Variants in TRPM3 observed in about 807,000 individuals in gnomAD.
The protein encoded by TRPM3 is long transient receptor potential channel 3.
In TRPM3, 77 loss-of-function variants were observed where a neutral mutation model predicts 181.2. The observed-to-expected ratio is 0.42, with a 90% confidence interval of 0.35 to 0.51. The LOEUF is 0.51. Ranked by LOEUF, TRPM3 falls within the 20% of genes least tolerant of loss-of-function variation. TRPM3 has a pLI of 0.01. For missense variants in TRPM3, 1,759 were observed against 2,196.7 expected (o/e 0.80, Z 3.98); for synonymous variants, 745 against 796.4 (o/e 0.94, Z 1.09).
intron 25 of TRPM3, among the ~76,000 whole-genome samples, chr9:70,541,766 C>T (rs2131661753): frequency 6.6e-6 from 1 of 152,300 alleles, no homozygotes; most frequent in Middle Eastern, 3.4e-3. Flanking sequence ...CTGCCTCAGC[C>T]TCCCAAAGTG....
chr9:71,121,919 A>T (rs572155848), upstream of TRPM3, among the ~76,000 whole-genome samples: 2 of 152,316 alleles, frequency 1.3e-5, no homozygotes, highest in East Asian at 3.9e-4. Context: ...CATCAAATAC[A>T]TCTATAGTAA....
intron 1 of TRPM3, among the ~76,000 whole-genome samples, chr9:71,127,300 C>CACACACACACACACACAT (rs1554831556): frequency 1.3e-5 from 2 of 151,834 alleles, no homozygotes; most frequent in Non-Finnish European, 2.9e-5. Context: ...AAAACACACA[C>CACACACACACACACACAT]ACACACACAC....
intron 1 of TRPM3, among the ~76,000 whole-genome samples, chr9:71,070,114 T>C (rs569913808): frequency 1.3e-5 from 2 of 152,306 alleles, no homozygotes; most frequent in African/African-American, 2.4e-5. Context: ...CCAATCAGCA[T>C]ATAAATCAAA....
In TRPM3 at chr9:70,784,043, C is replaced by T. The variant is rs1282383904; in HGVS notation, c.1148+62G>A. 4 of 1,559,416 alleles carry T rather than the reference C, an allele frequency of 2.6e-6. No individual in the cohort carries two copies. In the African/African-American group the frequency reaches 4.1e-5, roughly 16 times the overall value. ...GTTGAGCTACTGAAAACATAATCCA[C>T]TCATACCCTCGTTTCCAAACAGGCT... On this transcript the variant is annotated intron_variant, in intron 7 of 25. Coordinates refer to ENST00000677713, the MANE Select transcript of TRPM3 (RefSeq NM_001366145.2).
At chr9:71,407,876 C>T (rs2093467279) in intron 1 of TRPM3, among the ~76,000 whole-genome samples, 1 of 152,140 alleles carries the variant, frequency 6.6e-6, no homozygotes, top group Non-Finnish European at 1.5e-5. Flanking sequence ...GACAAAGCTT[C>T]TAGAGGAAGA....
At chr9:71,088,565 C>T (rs577194223) in intron 1 of TRPM3, among the ~76,000 whole-genome samples, 7 of 152,192 alleles carry the variant, frequency 4.6e-5, no homozygotes, top group Middle Eastern at 3.4e-3. Flanking sequence ...GCTCTAGACT[C>T]AAGCTAAATA....
intron 1 of TRPM3, among the ~76,000 whole-genome samples, chr9:71,406,925 CT>C (rs2093446403): frequency 6.6e-6 from 1 of 151,948 alleles, no homozygotes; most frequent in Non-Finnish European, 1.5e-5. Flanking sequence ...AGTATCAGCG[CT>C]GCAAAGAAGC....
chr9:70,690,542 TTATTTATTTA>T (rs11279694), intron 8 of TRPM3, among the ~76,000 whole-genome samples: 54,269 of 150,742 alleles, frequency 0.36, 10,036 homozygotes, highest in East Asian at 0.46. Flanking sequence ...AACTTTTTAT[TTATTTATTTA>T]TATTTATTTA....
At chr9:71,214,121 T>C (rs538735572) in intron 1 of TRPM3, among the ~76,000 whole-genome samples, 1 of 152,180 alleles carries the variant, frequency 6.6e-6, no homozygotes, top group Non-Finnish European at 1.5e-5. Context: ...AATTATAGTC[T>C]TTGTTGGAGA....
chr9:71,010,922 CACACACACAT>C (rs2097730316), intron 1 of TRPM3, among the ~76,000 whole-genome samples: 1 of 109,142 alleles, frequency 9.2e-6, no homozygotes, highest in East Asian at 3.2e-4. Context: ...GACACACACA[CACACACACAT>C]ACACACACAC....
intron 1 of TRPM3, among the ~76,000 whole-genome samples, chr9:71,371,652 A>G (rs2092517641): frequency 1.3e-5 from 2 of 152,208 alleles, no homozygotes; most frequent in South Asian, 4.1e-4. Context: ...CCAGGTGAAC[A>G]CTGTTGAAAT....
intron 1 of TRPM3, among the ~76,000 whole-genome samples, chr9:71,212,580 G>A (rs1448882499): frequency 6.6e-6 from 1 of 152,134 alleles, no homozygotes. Flanking sequence ...CTCTCCAAAT[G>A]TATTTGATTG....
chr9:71,172,740 A>G (rs2076929044), intron 1 of TRPM3, among the ~76,000 whole-genome samples: 1 of 152,198 alleles, frequency 6.6e-6, no homozygotes, highest in African/African-American at 2.4e-5. Flanking sequence ...TGAACATGCT[A>G]TGCGTTAGAA....
At chr9:71,334,836 A>T (rs1024834634) in intron 1 of TRPM3, among the ~76,000 whole-genome samples, 1 of 152,156 alleles carries the variant, frequency 6.6e-6, no homozygotes, top group African/African-American at 2.4e-5. Flanking sequence ...TCAAGGCTTT[A>T]CAAGTTAACT....
intron 1 of TRPM3, among the ~76,000 whole-genome samples, chr9:71,150,821 GA>G (rs1385264541): frequency 6.6e-6 from 1 of 152,122 alleles, no homozygotes; most frequent in Non-Finnish European, 1.5e-5. Flanking sequence ...ATTTAATGAA[GA>G]GGGAGTGAAG....
At position 71,288,430 on chromosome 9, in the gene TRPM3, AACAG is replaced by A. The variant is rs1453133471; in HGVS notation, c.183+158219_183+158222del. On this transcript the variant is annotated intron_variant, in intron 1 of 24. Transcript: ENST00000357533. ...GCACATGTGTATATACAGGGAGACA[AACAG>A]ACAAAGTTCATCTGAGTATGACAGA... is the stretch of plus-strand genomic sequence containing the variant. Among the ~76,000 whole-genome samples the A allele has an allele frequency of 4.6e-5, 7 of 152,212 alleles. No individual in the cohort carries two copies. The East Asian group carries it at 5.8e-4, about 13-fold the overall frequency.
intron 1 of TRPM3, among the ~76,000 whole-genome samples, chr9:71,359,892 A>C (rs947961366): frequency 9.9e-5 from 15 of 152,266 alleles, no homozygotes; most frequent in African/African-American, 3.4e-4. Flanking sequence ...GAATGGGATG[A>C]TCTATATAAA....
At chr9:71,252,799 A>G (rs1188325340) in intron 1 of TRPM3, among the ~76,000 whole-genome samples, 1 of 149,728 alleles carries the variant, frequency 6.7e-6, no homozygotes, top group African/African-American at 2.5e-5. Flanking sequence ...CAGCCTCCCA[A>G]GTAGCTGGGA....
At chr9:71,077,747 C>T (rs909267752) in intron 1 of TRPM3, among the ~76,000 whole-genome samples, 11 of 152,146 alleles carry the variant, frequency 7.2e-5, no homozygotes, top group African/African-American at 2.7e-4. Context: ...TGCAGCCACA[C>T]TCACCTGAGG....
Sources: allele counts gnomAD v4.1 joint callset (sites outside exome capture counted in the v4.1 genomes callset), GRCh38; gene constraint gnomAD v4.1.1; transcripts MANE v1.5; gene names NCBI Gene and HGNC (gene_info 2026-07-23, HGNC 2026-07-21).